Variants in FHOD3 observed in about 807,000 individuals in gnomAD.
FHOD3 encodes FH1/FH2 domain-containing protein 3.
In FHOD3, 90 loss-of-function variants were observed where a neutral mutation model predicts 173.0. The ratio of observed to expected loss-of-function variants is 0.52; its 90% CI spans 0.44 to 0.62. The LOEUF (loss-of-function observed/expected upper bound fraction) is 0.62. FHOD3 is among the 20% of genes least tolerant of loss of function. The pLI is 0.00. For synonymous variants in FHOD3, 828 were observed against 823.0 expected (o/e 1.01, Z -0.10); for missense variants, 1,945 against 2,034.7 (o/e 0.96, Z 0.85).
intron 1 of FHOD3, among the ~76,000 whole-genome samples, chr18:36,314,414 T>A (rs1228705178): frequency 2.0e-5 from 3 of 152,068 alleles, no homozygotes; most frequent in Non-Finnish European, 2.9e-5. Context: ...ACTAGAGAAA[T>A]TAGAGTGTGA....
intron 17 of FHOD3, among the ~76,000 whole-genome samples, chr18:36,696,694 T>G (rs768742620): frequency 6.6e-6 from 1 of 152,202 alleles, no homozygotes; most frequent in Non-Finnish European, 1.5e-5. Context: ...TCTGACCCTC[T>G]TGTGGGCTTA....
chr18:36,443,617 C>G (rs2051279159), intron 3 of FHOD3, among the ~76,000 whole-genome samples: 1 of 152,154 alleles, frequency 6.6e-6, no homozygotes, highest in Non-Finnish European at 1.5e-5. Context: ...AGCCATGTTT[C>G]CTTTTAATGG....
At position 36,372,670 on chromosome 18, in the gene FHOD3, G is replaced by A; in HGVS notation, c.273-10G>A. 2 of 1,613,720 alleles carry A rather than the reference G, an allele frequency of 1.2e-6. No homozygotes were observed. Among genetic ancestry groups the A allele is most frequent in the Non-Finnish European group, 8.5e-7 (1 of 1,179,808 alleles). ...CTCTGATGCCCCTGTTTTGTCTCCT[G>A]TCTCGTTAGGCGGGGCAAGAAGCAC... is the stretch of plus-strand genomic sequence containing the variant. On this transcript the variant is annotated splice_polypyrimidine_tract_variant and intron_variant, in intron 2 of 28. Transcript: ENST00000590592.
At chr18:36,705,200 A>G (rs746748329) in intron 17 of FHOD3, among the ~76,000 whole-genome samples, 3 of 152,046 alleles carry the variant, frequency 2.0e-5, no homozygotes, top group Non-Finnish European at 2.9e-5. Flanking sequence ...CTCCATCAAC[A>G]CACAGCGCTG....
chr18:36,444,530 C>T (rs572054334), intron 3 of FHOD3, among the ~76,000 whole-genome samples: 115 of 152,192 alleles, frequency 7.6e-4, no homozygotes, highest in African/African-American at 1.5e-3. Context: ...TCTCATTCCC[C>T]GCTTCTTTCT....
chr18:36,769,490 G>T, intron 28 of FHOD3, 64 bp downstream of exon 28: 1 of 1,549,510 alleles, frequency 6.5e-7, no homozygotes, highest in South Asian at 1.2e-5. Context: ...CATTCTACGT[G>T]AACTGGGAAA....
chr18:36,527,866 T>C (rs180880224), intron 5 of FHOD3, among the ~76,000 whole-genome samples: 1 of 152,346 alleles, frequency 6.6e-6, no homozygotes, highest in East Asian at 1.9e-4. Flanking sequence ...TCTGTGTATG[T>C]TGAGCCCTCC....
chr18:36,306,499 A>G (rs568755637), intron 1 of FHOD3, among the ~76,000 whole-genome samples: 2 of 152,332 alleles, frequency 1.3e-5, no homozygotes, highest in Non-Finnish European at 2.9e-5. Context: ...TGATCTTAAC[A>G]TAGAGAAACA....
chr18:36,701,811 A>G (rs957771095), intron 17 of FHOD3, among the ~76,000 whole-genome samples: 3 of 152,162 alleles, frequency 2.0e-5, no homozygotes, highest in Non-Finnish European at 4.4e-5. Context: ...TATGGGATCT[A>G]TAAGGTAGCA....
At chr18:36,735,893 T>C (rs781063772) in intron 20 of FHOD3, among the ~76,000 whole-genome samples, 1 of 152,228 alleles carries the variant, frequency 6.6e-6, no homozygotes, top group Non-Finnish European at 1.5e-5. Context: ...CCCAATAGTA[T>C]TGGCGTCTAT....
chr18:36,520,092 G>A (rs2056202311), intron 5 of FHOD3, among the ~76,000 whole-genome samples: 1 of 151,714 alleles, frequency 6.6e-6, no homozygotes, highest in African/African-American at 2.4e-5. Context: ...CTAGTAGCTG[G>A]AACCATAGGC....
chr18:36,475,541 T>G (rs2053517803), intron 3 of FHOD3, among the ~76,000 whole-genome samples: 1 of 152,158 alleles, frequency 6.6e-6, no homozygotes, highest in Non-Finnish European at 1.5e-5. Flanking sequence ...TTGAGAATTC[T>G]AATGGGAAGG....
chr18:36,475,693 T>C (rs2053527213), intron 3 of FHOD3, among the ~76,000 whole-genome samples: 1 of 151,994 alleles, frequency 6.6e-6, no homozygotes, highest in South Asian at 2.1e-4. Flanking sequence ...TAGAGCAATG[T>C]ATACCAAAAT....
At chr18:36,304,854 A>G (rs117414209) in intron 1 of FHOD3, among the ~76,000 whole-genome samples, 503 of 152,342 alleles carry the variant, frequency 3.3e-3, no homozygotes, top group Non-Finnish European at 5.1e-3. Context: ...ATATAAAGGC[A>G]CTCAGTTTCC....
At chr18:36,657,977 C>A in intron 13 of FHOD3, 98 bp from the exon 14 acceptor site, 1 of 870,482 alleles carries the variant, frequency 1.1e-6, no homozygotes, top group Non-Finnish European at 1.8e-6. Flanking sequence ...AGACCTGTTT[C>A]TCTTGCAAAA....
intron 3 of FHOD3, among the ~76,000 whole-genome samples, chr18:36,392,571 C>T (rs1013318071): frequency 2.0e-5 from 3 of 152,204 alleles, no homozygotes; most frequent in Admixed American, 1.3e-4. Context: ...ACTTCCTGCC[C>T]TCCCAGGCTC....
chr18:36,627,288 G>A (rs2034182785), intron 10 of FHOD3, among the ~76,000 whole-genome samples: 1 of 152,164 alleles, frequency 6.6e-6, no homozygotes, highest in Non-Finnish European at 1.5e-5. Flanking sequence ...GATGCTGAGG[G>A]TAGGAGTTAG....
intron 18 of FHOD3, among the ~76,000 whole-genome samples, chr18:36,716,646 G>A (rs1242922644): frequency 6.6e-6 from 1 of 152,180 alleles, no homozygotes; most frequent in Non-Finnish European, 1.5e-5. Context: ...AGATGTCCTG[G>A]GAGCCCTGTG....
intron 27 of FHOD3, among the ~76,000 whole-genome samples, chr18:36,761,042 G>A (rs1009209693): frequency 6.6e-5 from 10 of 152,200 alleles, no homozygotes; most frequent in African/African-American, 2.4e-4. Flanking sequence ...GGAGAGCTGG[G>A]GTGGGCAGAC....
Sources: allele counts gnomAD v4.1 joint callset (sites outside exome capture counted in the v4.1 genomes callset), GRCh38; gene constraint gnomAD v4.1.1; transcripts MANE v1.5; gene names NCBI Gene and HGNC (gene_info 2026-07-23, HGNC 2026-07-21).